PDE1A: variants seen among roughly 807,000 people sequenced by gnomAD.
The protein encoded by PDE1A is dual specificity calcium/calmodulin-dependent 3',5'-cyclic nucleotide phosphodiesterase 1A.
PDE1A carries 35 observed loss-of-function variants against 61.7 expected under a neutral mutation model. The observed-to-expected ratio is 0.57, with a 90% confidence interval of 0.43 to 0.75. The LOEUF is 0.75. Ranked by LOEUF, PDE1A falls within the 30% of genes least tolerant of loss-of-function variation. PDE1A has a pLI of 0.00. For missense variants in PDE1A, 597 were observed against 630.6 expected, an observed-to-expected ratio of 0.95 and a Z score of 0.57; for synonymous variants, 232 against 213.2, an observed-to-expected ratio of 1.09 and a Z score of -0.77.
chr2:182,317,272 A>G (rs892532194), intron 1 of PDE1A, among the ~76,000 whole-genome samples: 10 of 148,958 alleles, frequency 6.7e-5, no homozygotes, highest in Non-Finnish European at 1.0e-4. Context: ...TTTTTTGAGG[A>G]TAAGAGTACT....
At chr2:182,242,856 G>A (rs2568671) in intron 2 of PDE1A, among the ~76,000 whole-genome samples, 35,138 of 145,566 alleles carry the variant, frequency 0.24, 4,287 homozygotes, top group East Asian at 0.33. Flanking sequence ...TACGTATCTC[G>A]CTCTCTCTCT....
At chr2:182,608,909 A>C in the PDE1A span, among the ~76,000 whole-genome samples, 2 of 152,322 alleles carry the variant, frequency 1.3e-5, no homozygotes, top group African/African-American at 4.8e-5. Flanking sequence ...AAGGGATTGT[A>C]AATACCCCAA....
intron 2 of PDE1A, among the ~76,000 whole-genome samples, chr2:182,251,784 A>T (rs1318827292): frequency 1.3e-5 from 2 of 152,226 alleles, no homozygotes; most frequent in African/African-American, 4.8e-5. Context: ...ATCGGGAGGA[A>T]CAGTCAGAAG....
At chr2:182,296,909 T>C (rs545123472) in intron 1 of PDE1A, among the ~76,000 whole-genome samples, 2 of 152,320 alleles carry the variant, frequency 1.3e-5, no homozygotes, top group South Asian at 4.1e-4. Flanking sequence ...GCCTTCCTAA[T>C]TGAGCTGGAA....
At chr2:182,657,263 A>T in the PDE1A span, among the ~76,000 whole-genome samples, 1 of 152,082 alleles carries the variant, frequency 6.6e-6, no homozygotes, top group African/African-American at 2.4e-5. Context: ...ATTACGTTAA[A>T]TTTTTTCAAC....
At chr2:182,186,470 G>A (rs1574612117) in exon 12 of PDE1A, 1 of 1,611,460 alleles carries the variant, frequency 6.2e-7, no homozygotes. Context: ...TATCATACCT[G>A]CTTGCCACAT....
At chr2:182,323,198 A>C (rs1018210557) in intron 1 of PDE1A, among the ~76,000 whole-genome samples, 2 of 149,628 alleles carry the variant, frequency 1.3e-5, no homozygotes, top group African/African-American at 4.8e-5. Flanking sequence ...AACTACATAT[A>C]TATAAAGGAC....
intron 1 of PDE1A, among the ~76,000 whole-genome samples, chr2:182,378,857 T>C (rs1700566697): frequency 6.6e-6 from 1 of 152,226 alleles, no homozygotes. Context: ...TACTACAAAA[T>C]CTTCGTATTA....
intron 1 of PDE1A, among the ~76,000 whole-genome samples, chr2:182,313,082 A>G (rs1018089508): frequency 6.6e-6 from 1 of 152,222 alleles, no homozygotes; most frequent in Non-Finnish European, 1.5e-5. Flanking sequence ...ATATCCTATT[A>G]TCTTGCTAAA....
At chr2:182,384,428 A>G (rs2125333115) in intron 1 of PDE1A, among the ~76,000 whole-genome samples, 1 of 149,588 alleles carries the variant, frequency 6.7e-6, no homozygotes, top group Admixed American at 6.7e-5. Flanking sequence ...AAAATAATAA[A>G]TTACCAAAAA....
chr2:182,604,981 A>G, the PDE1A span, among the ~76,000 whole-genome samples: 1 of 151,964 alleles, frequency 6.6e-6, no homozygotes, highest in Non-Finnish European at 1.5e-5. Flanking sequence ...AGTGTGACTT[A>G]GTGGCCAGCT....
chr2:182,652,709 T>C, the PDE1A span, among the ~76,000 whole-genome samples: 16 of 152,270 alleles, frequency 1.1e-4, no homozygotes, highest in Admixed American at 6.5e-4. Context: ...AAAAGCTTCA[T>C]ATACAACAGT....
At chr2:182,470,057 T>C (rs1686930071) in intron 2 of PDE1A, among the ~76,000 whole-genome samples, 1 of 151,818 alleles carries the variant, frequency 6.6e-6, no homozygotes, top group Non-Finnish European at 1.5e-5. Flanking sequence ...GCAAGAATTA[T>C]CAGAATGTGA....
the PDE1A span, among the ~76,000 whole-genome samples, chr2:182,583,885 C>G: frequency 6.6e-6 from 1 of 152,248 alleles, no homozygotes; most frequent in East Asian, 1.9e-4. Flanking sequence ...AATTTTTGCA[C>G]AGAAGTTGAA....
the PDE1A span, among the ~76,000 whole-genome samples, chr2:182,530,331 ATGCCAG>A: frequency 0.9 from 137,042 of 152,124 alleles, 61,931 homozygotes; most frequent in East Asian, 1. Context: ...AGATGAAAAG[ATGCCAG>A]ATGAAAAGCA....
chr2:182,257,785 T>A (rs1340808755), intron 2 of PDE1A, among the ~76,000 whole-genome samples: 1 of 152,120 alleles, frequency 6.6e-6, no homozygotes, highest in Non-Finnish European at 1.5e-5. Context: ...TAGTGGAAGG[T>A]CTCTGTGACA....
chr2:182,365,850 A>G (rs565534947), intron 1 of PDE1A, among the ~76,000 whole-genome samples: 3 of 152,054 alleles, frequency 2.0e-5, no homozygotes, highest in Non-Finnish European at 4.4e-5. Flanking sequence ...ACTACAGATG[A>G]TAAAAGTGAC....
At chr2:182,552,181 C>G in the PDE1A span, among the ~76,000 whole-genome samples, 1 of 152,132 alleles carries the variant, frequency 6.6e-6, no homozygotes, top group Non-Finnish European at 1.5e-5. Context: ...TCATATTGGG[C>G]CTGAGTATCA....
chr2:182,631,383 T>A, the PDE1A span, among the ~76,000 whole-genome samples: 1 of 152,310 alleles, frequency 6.6e-6, no homozygotes, highest in East Asian at 1.9e-4. Flanking sequence ...TATGTATACA[T>A]GTGCCATACT....
Sources: allele counts gnomAD v4.1 joint callset (sites outside exome capture counted in the v4.1 genomes callset), GRCh38; gene constraint gnomAD v4.1.1; transcripts MANE v1.5; gene names NCBI Gene and HGNC (gene_info 2026-07-23, HGNC 2026-07-21).